FBLN2: variants seen among roughly 807,000 people sequenced by gnomAD.
The protein encoded by FBLN2 is fibulin-2.
Under a neutral mutation model 123.7 loss-of-function variants are expected in FBLN2, and 81 were observed. The observed-to-expected ratio is 0.65, with a 90% confidence interval of 0.55 to 0.79. The LOEUF is 0.79. Among genes scored for constraint, FBLN2 ranks in the 30% least tolerant of loss-of-function variants. FBLN2 has a pLI of 0.00. For synonymous variants in FBLN2, 699 were observed against 701.4 expected (o/e 1.00, Z 0.05); for missense variants, 1,603 against 1,681.3 (o/e 0.95, Z 0.81).
At chr3:13,598,487 G>A (rs1353709687) in intron 2 of FBLN2, among the ~76,000 whole-genome samples, 1 of 152,202 alleles carries the variant, frequency 6.6e-6, no homozygotes, top group Non-Finnish European at 1.5e-5. Flanking sequence ...TGGTGTAAGG[G>A]GAGGTGGCCA....
At chr3:13,580,245 G>A (rs1428650721) in intron 2 of FBLN2, among the ~76,000 whole-genome samples, 3 of 152,258 alleles carry the variant, frequency 2.0e-5, no homozygotes, top group South Asian at 2.1e-4. Flanking sequence ...TAGGAGATAT[G>A]GATGTAATTT....
intron 9 of FBLN2, among the ~76,000 whole-genome samples, chr3:13,623,717 A>G (rs575814576): frequency 6.6e-6 from 1 of 152,146 alleles, no homozygotes; most frequent in Admixed American, 6.5e-5. Flanking sequence ...GGCTCTTTCA[A>G]TTTTTAATCA....
chr3:13,568,420 C>T (rs142245765), intron 1 of FBLN2, among the ~76,000 whole-genome samples: 1 of 152,354 alleles, frequency 6.6e-6, no homozygotes, highest in Non-Finnish European at 1.5e-5. Flanking sequence ...CTCACCTGCT[C>T]CCTGCTGGCT....
At chr3:13,584,469 A>G (rs1055007246) in intron 2 of FBLN2, among the ~76,000 whole-genome samples, 9 of 152,160 alleles carry the variant, frequency 5.9e-5, no homozygotes, top group African/African-American at 2.2e-4. Context: ...GTGAGGCTAC[A>G]TGGAGGGCTG....
Position 13,570,502 on chromosome 3 carries a change from G to A in FBLN2, c.147G>A (p.Leu49=). ...PPLENCIEEA[L]EPGACCATCV... ...TGGAGAACTGCATTGAGGAGGCGCT[G>A]GAGCCGGGTGCCTGCTGTGCCACGT... The change falls in exon 2 of 18, where the codon CTG becomes CTA. Residue 49 remains leucine (L), a synonymous_variant. Transcript: ENST00000404922. 1 of 1,585,318 alleles carries A rather than the reference G, an allele frequency of 6.3e-7. No homozygotes were observed.
At position 13,582,267 on chromosome 3, in the gene FBLN2, G is replaced by C. The variant is rs72624451; in HGVS notation, c.1306+10606G>C. ...CCAAGGCAGCAGATGCGGCTTTCCTGAGGCTGAACCATGCCTAGGAGTCCT... is the reference window on the plus strand; with the variant it reads ...CCAAGGCAGCAGATGCGGCTTTCCTCAGGCTGAACCATGCCTAGGAGTCCT... On this transcript the variant is annotated intron_variant, in intron 2 of 17. Transcript: ENST00000404922. 0.011 allele frequency among the ~76,000 whole-genome samples: 1,619 copies of C among 152,272 alleles called. 142 individuals are homozygous for C. The East Asian group carries it at 0.22, about 21-fold the overall frequency.
intron 1 of FBLN2, among the ~76,000 whole-genome samples, chr3:13,562,478 T>C (rs2125036791): frequency 6.6e-6 from 1 of 150,926 alleles, no homozygotes; most frequent in South Asian, 2.1e-4. Context: ...TGCCTCAGCC[T>C]CCCAAGTAGC....
intron 4 of FBLN2, among the ~76,000 whole-genome samples, chr3:13,613,214 A>G (rs907163393): frequency 2.2e-4 from 33 of 152,284 alleles, no homozygotes; most frequent in African/African-American, 6.5e-4. Flanking sequence ...ATCTCATTCT[A>G]TTGGCCAAAG....
intron 16 of FBLN2, among the ~76,000 whole-genome samples, chr3:13,632,211 A>G (rs1706281213): frequency 6.6e-6 from 1 of 152,216 alleles, no homozygotes; most frequent in South Asian, 2.1e-4. Flanking sequence ...AGAAGGGGTC[A>G]TTGCCCCAGG....
At chr3:13,623,852 G>A (rs1705936422) in intron 9 of FBLN2, among the ~76,000 whole-genome samples, 2 of 152,218 alleles carry the variant, frequency 1.3e-5, no homozygotes, top group African/African-American at 4.8e-5. Flanking sequence ...TAAAGAAGTT[G>A]CTACTCTTGT....
intron 2 of FBLN2, among the ~76,000 whole-genome samples, chr3:13,587,528 A>C (rs1437998445): frequency 1.3e-5 from 2 of 152,118 alleles, no homozygotes; most frequent in Non-Finnish European, 2.9e-5. Context: ...CAAAAATAAA[A>C]TTCTAAGGCC....
chr3:13,605,264 G>C (rs1009930174), intron 2 of FBLN2, among the ~76,000 whole-genome samples: 15 of 152,098 alleles, frequency 9.9e-5, no homozygotes, highest in Admixed American at 5.2e-4. Context: ...TCTTTGCAAG[G>C]CTCTTGTTTT....
In FBLN2 at chr3:13,637,760, G is replaced by C. The variant is rs756586204; in HGVS notation, c.3537G>C (p.Thr1179=). 6.2e-7 allele frequency: 1 copy of C among 1,613,930 alleles called. No homozygotes were observed. Among genetic ancestry groups the C allele is most frequent in the Non-Finnish European group, 8.5e-7 (1 of 1,179,828 alleles). Residue 1179 remains threonine, a synonymous_variant, in exon 18 of 18, where the codon ACG becomes ACC. Transcript: ENST00000404922. The stretch of plus-strand genomic sequence containing the variant: ...GCAATGAGGAGGGCTACTTTGGCAC[G>C]CGCAGGCTCAATGCCTACACGGGTG... ...IKGNEEGYFG[T]RRLNAYTGVV...
chr3:13,626,235 A>G (rs1039119360), intron 9 of FBLN2, among the ~76,000 whole-genome samples: 2 of 152,206 alleles, frequency 1.3e-5, no homozygotes, highest in Non-Finnish European at 2.9e-5. Context: ...AGTGCCAAGA[A>G]CAGTGCTTGG....
intron 2 of FBLN2, among the ~76,000 whole-genome samples, chr3:13,582,255 T>C (rs557357722): frequency 3.3e-5 from 5 of 152,278 alleles, no homozygotes; most frequent in African/African-American, 1.2e-4. Context: ...AGGCAGCAGA[T>C]GCGGCTTTCC....
chr3:13,553,285 C>G (rs1184734848), intron 1 of FBLN2, among the ~76,000 whole-genome samples: 2 of 152,186 alleles, frequency 1.3e-5, no homozygotes, highest in Non-Finnish European at 2.9e-5. Flanking sequence ...GTTGAAGGGT[C>G]CCTCTGCAGC....
chr3:13,565,322 C>G (rs1703713096), intron 1 of FBLN2, among the ~76,000 whole-genome samples: 1 of 152,268 alleles, frequency 6.6e-6, no homozygotes, highest in African/African-American at 2.4e-5. Flanking sequence ...TGTGTCTCCA[C>G]TCCGGTGGCA....
chr3:13,578,702 A>T (rs949821538), intron 2 of FBLN2, among the ~76,000 whole-genome samples: 1 of 152,196 alleles, frequency 6.6e-6, no homozygotes, highest in Non-Finnish European at 1.5e-5. Flanking sequence ...TCTTGGGAAC[A>T]TATCTAGGAG....
chr3:13,564,572 C>T (rs1703690270), intron 1 of FBLN2, among the ~76,000 whole-genome samples: 2 of 152,216 alleles, frequency 1.3e-5, no homozygotes, highest in Non-Finnish European at 2.9e-5. Context: ...CATCATTTCT[C>T]TGAGATGCCT....
Sources: allele counts gnomAD v4.1 joint callset (sites outside exome capture counted in the v4.1 genomes callset), GRCh38; gene constraint gnomAD v4.1.1; transcripts MANE v1.5; gene names NCBI Gene and HGNC (gene_info 2026-07-23, HGNC 2026-07-21).